The following RP1 variants were observed in gnomAD, a reference collection of about 807,000 sequenced individuals.
The protein encoded by RP1 is oxygen-regulated protein 1.
In RP1, 16 loss-of-function variants were observed where a neutral mutation model predicts 14.8. The ratio of observed to expected loss-of-function variants is 1.08; its 90% CI spans 0.73 to 1.65. The LOEUF (loss-of-function observed/expected upper bound fraction) is 1.65, where lower values mean the gene tolerates loss of function less well. Ranked by LOEUF, RP1 falls within the 40% of genes most tolerant of loss-of-function variation. RP1 has a pLI of 0.00. For synonymous variants in RP1, 876 were observed against 883.6 expected (o/e 0.99, Z 0.15); for missense variants, 2,631 against 2,535.0 (o/e 1.04, Z -0.81).
At chr8:54,652,660 T>C in intron 4 of RP1, 1 of 680,646 alleles carries the variant, frequency 1.5e-6, no homozygotes, top group East Asian at 2.7e-5. Context: ...CACATGTTTA[T>C]AATTCTTATG....
chr8:54,833,669 T>A (rs1274356864), intron 24 of RP1, among the ~76,000 whole-genome samples: 1 of 152,064 alleles, frequency 6.6e-6, no homozygotes, highest in African/African-American at 2.4e-5. Context: ...ATAGAAATCA[T>A]TCACTGTTGA....
chr8:54,669,987 C>A (rs146660737), intron 7 of RP1, among the ~76,000 whole-genome samples: 2 of 151,846 alleles, frequency 1.3e-5, no homozygotes. Flanking sequence ...TGTAACAAAC[C>A]GGCACGTTGT....
chr8:54,659,190 G>T (rs1563340073), intron 6 of RP1, among the ~76,000 whole-genome samples: 1 of 152,148 alleles, frequency 6.6e-6, no homozygotes, highest in Non-Finnish European at 1.5e-5. Context: ...TTACACTAAT[G>T]ATTGTTGCCT....
intron 24 of RP1, among the ~76,000 whole-genome samples, chr8:54,821,267 T>C (rs1413610460): frequency 6.6e-6 from 1 of 152,172 alleles, no homozygotes. Flanking sequence ...GACTATCATA[T>C]ATAAATGAAA....
At chr8:54,639,528 C>T (rs1252174835) in intron 3 of RP1, among the ~76,000 whole-genome samples, 1 of 152,072 alleles carries the variant, frequency 6.6e-6, no homozygotes, top group Non-Finnish European at 1.5e-5. Flanking sequence ...GTATCCCTAC[C>T]AACAATATAT....
At chr8:54,824,528 C>CAGA (rs59163308) in intron 24 of RP1, among the ~76,000 whole-genome samples, 47,751 of 151,814 alleles carry the variant, frequency 0.31, 7,634 homozygotes, top group South Asian at 0.37. Flanking sequence ...TACTGGAAAT[C>CAGA]AGAAGTGGGA....
At chr8:54,751,542 T>A (rs1809370787) in intron 19 of RP1, among the ~76,000 whole-genome samples, 1 of 152,364 alleles carries the variant, frequency 6.6e-6, no homozygotes, top group African/African-American at 2.4e-5. Flanking sequence ...TAATCTATCT[T>A]AATGTATGCA....
downstream of RP1, among the ~76,000 whole-genome samples, chr8:54,633,737 C>CTCTCTCTATATATATATA (rs1236298691): frequency 2.5e-5 from 3 of 118,806 alleles, no homozygotes; most frequent in African/African-American, 9.8e-5. Context: ...CTCTCTCTCT[C>CTCTCTCTATATATATATA]TATATATATA....
chr8:54,600,663 C>T (rs1036478595), intron 1 of RP1, among the ~76,000 whole-genome samples: 1 of 152,056 alleles, frequency 6.6e-6, no homozygotes, highest in African/African-American at 2.4e-5. Flanking sequence ...CAGGTCGAGG[C>T]TTCCCAAGGC....
chr8:54,708,314 A>G (rs1808199578), intron 15 of RP1, among the ~76,000 whole-genome samples: 1 of 150,664 alleles, frequency 6.6e-6, no homozygotes, highest in Non-Finnish European at 1.5e-5. Flanking sequence ...CTCACTTTCT[A>G]TTTAGCTGCC....
intron 1 of RP1, among the ~76,000 whole-genome samples, chr8:54,595,818 T>C (rs965219455): frequency 2.0e-5 from 3 of 152,220 alleles, no homozygotes; most frequent in Admixed American, 2.0e-4. Flanking sequence ...GCTATTTCCT[T>C]TTATTATAAA....
rs773418150 is a variant in RP1, at chr8:54,629,164, C to T, written c.5282C>T (p.Pro1761Leu). The change falls in exon 4 of 4, where the codon CCT becomes CTT. Residue 1761 changes from proline to leucine, a missense_variant. Physicochemically the swap from Pro to Leu is moderately conservative, Grantham distance 98 (BLOSUM62 -3). Transcript: ENST00000220676. The stretch of plus-strand genomic sequence containing the variant: ...TTGCTAAGGATGTCATCTGAAAATC[C>T]TGGCATGTGTGGCAATGCAGACACC... ...NHLLRMSSENPGMCGNADTTS... is the reference protein window; with the variant it reads ...NHLLRMSSENLGMCGNADTTS... The T allele has an allele frequency of 1.9e-6, 3 of 1,614,060 alleles. No individual in the cohort carries two copies. Among genetic ancestry groups the T allele is most frequent in the Non-Finnish European group, 2.5e-6 (3 of 1,179,952 alleles).
chr8:54,714,240 G>C (rs1368489917), intron 15 of RP1, among the ~76,000 whole-genome samples: 2 of 152,062 alleles, frequency 1.3e-5, no homozygotes, highest in African/African-American at 4.8e-5. Context: ...GTTTAACTTA[G>C]AAACAAAGAT....
rs1258497005 is a variant in RP1 at position 54,627,250 on chromosome 8, A to T, written c.3368A>T (p.Asn1123Ile). ...AGVPFHSAICNSSTNLLLAWL... is the reference protein window; with the variant it reads ...AGVPFHSAICISSTNLLLAWL... ...GTTCCCTTTCATTCTGCAATATGTA[A>T]TTCATCCACTAATCTCCTTCTAGCT... The change falls in exon 4 of 4, where the codon AAT (asparagine) becomes ATT (isoleucine). Residue 1123 changes from asparagine (N) to isoleucine (I), a missense_variant. Asn to Ile is a moderately radical substitution (Grantham distance 149). Coordinates refer to ENST00000220676, the MANE Select transcript of RP1 (RefSeq NM_006269.2). 6.2e-7 allele frequency: 1 copy of T among 1,613,938 alleles called. No individual in the cohort carries two copies.
intron 12 of RP1, chr8:54,696,301 A>G: frequency 2.3e-6 from 1 of 427,614 alleles, no homozygotes; most frequent in Non-Finnish European, 4.1e-6. Flanking sequence ...ACTAAACTCA[A>G]AATTTTTAGT....
At chr8:54,789,552 T>G (rs1327981835) in intron 24 of RP1, among the ~76,000 whole-genome samples, 2 of 152,104 alleles carry the variant, frequency 1.3e-5, no homozygotes. Flanking sequence ...ACCAGGGAGC[T>G]AGGCTAGCAA....
At chr8:54,730,111 G>A (rs994469758) in intron 17 of RP1, among the ~76,000 whole-genome samples, 3 of 151,994 alleles carry the variant, frequency 2.0e-5, no homozygotes, top group African/African-American at 7.2e-5. Flanking sequence ...GAAGAGTGCA[G>A]AAATAAGCCA....
intron 1 of RP1, 77 bp from the exon 2 acceptor site, chr8:54,620,876 CTA>C: frequency 7.8e-7 from 1 of 1,276,214 alleles, no homozygotes; most frequent in Non-Finnish European, 1.1e-6. Context: ...ATGTCTGCAG[CTA>C]TATTTAGCAT....
chr8:54,624,198 T>C (rs1460578787), intron 3 of RP1, among the ~76,000 whole-genome samples: 1 of 151,702 alleles, frequency 6.6e-6, no homozygotes, highest in African/African-American at 2.4e-5. Flanking sequence ...TCCCAGCACT[T>C]TGGGAGGCCG....
Sources: gnomAD v4.1 joint callset for allele counts (sites outside exome capture counted in the v4.1 genomes callset) on GRCh38, gnomAD v4.1.1 for gene constraint, MANE v1.5 for transcripts, NCBI Gene and HGNC (gene_info 2026-07-23, HGNC 2026-07-21) for gene names.